Variants in NT5DC1 observed in about 807,000 individuals in gnomAD.
NT5DC1 encodes the protein 5'-nucleotidase domain-containing protein 1.
In NT5DC1, 42 loss-of-function variants were observed where a neutral mutation model predicts 59.4. That is an observed-to-expected ratio of 0.71 (90% confidence interval 0.55 to 0.92). NT5DC1 has a LOEUF of 0.92. NT5DC1 is among the 40% of genes least tolerant of loss of function. NT5DC1 has a pLI of 0.00. For synonymous variants in NT5DC1, 172 were observed against 188.1 expected, an observed-to-expected ratio of 0.91 and a Z score of 0.70; for missense variants, 501 against 537.1, an observed-to-expected ratio of 0.93 and a Z score of 0.66.
At chr6:116,181,665 C>A (rs933997382) in intron 6 of NT5DC1, among the ~76,000 whole-genome samples, 5 of 151,856 alleles carry the variant, frequency 3.3e-5, no homozygotes, top group Non-Finnish European at 7.4e-5. Flanking sequence ...TGGAAACTTA[C>A]AAAATGCAAG....
chr6:116,202,216 C>A (rs1356772089), intron 6 of NT5DC1, among the ~76,000 whole-genome samples: 4 of 152,012 alleles, frequency 2.6e-5, no homozygotes, highest in Non-Finnish European at 4.4e-5. Context: ...TACCTTAGCT[C>A]TGGGCCTTCC....
At chr6:116,186,911 C>A (rs778941048) in intron 6 of NT5DC1, among the ~76,000 whole-genome samples, 2 of 151,976 alleles carry the variant, frequency 1.3e-5, no homozygotes, top group Non-Finnish European at 2.9e-5. Flanking sequence ...TGCTGGTGAG[C>A]TAGTGTTATC....
At chr6:116,219,532 T>C (rs2114538426) in intron 6 of NT5DC1, among the ~76,000 whole-genome samples, 3 of 152,034 alleles carry the variant, frequency 2.0e-5, no homozygotes, top group Non-Finnish European at 2.9e-5. Context: ...ACAGACCCCC[T>C]CAGAGGAAGA....
intron 6 of NT5DC1, among the ~76,000 whole-genome samples, chr6:116,182,934 CAT>C (rs1239114259): frequency 6.6e-6 from 1 of 152,064 alleles, no homozygotes; most frequent in Non-Finnish European, 1.5e-5. Flanking sequence ...AGTTCTTGAT[CAT>C]GAAGTCTTTG....
intron 2 of NT5DC1, among the ~76,000 whole-genome samples, chr6:116,107,857 C>T (rs1169859946): frequency 6.6e-6 from 1 of 152,128 alleles, no homozygotes; most frequent in Non-Finnish European, 1.5e-5. Flanking sequence ...CAGGCATGAG[C>T]CACCGCGCCT....
intron 6 of NT5DC1, among the ~76,000 whole-genome samples, chr6:116,174,854 C>T (rs1780697744): frequency 6.6e-6 from 1 of 152,094 alleles, no homozygotes; most frequent in South Asian, 2.1e-4. Flanking sequence ...TAATAGTTCC[C>T]TACAAACACT....
rs1352505443 is a variant in NT5DC1 at position 116,221,116 on chromosome 6, C to T, written c.592C>T (p.Pro198Ser). The change falls in exon 7 of 12, where the codon CCT becomes TCT. Residue 198 changes from proline (P) to serine (S), a missense_variant. Pro to Ser is a moderately conservative substitution (Grantham distance 74, BLOSUM62 -1). Transcript: ENST00000319550. Reference sequence around the variant, plus strand: ...TCCAGGCAGATATTTACATAGTTGTCCTGAATCTGTGAAAAAATGGCTTCG... The same window carrying T: ...TCCAGGCAGATATTTACATAGTTGTTCTGAATCTGTGAAAAAATGGCTTCG... Reference protein sequence around the residue: ...RDPGRYLHSCPESVKKWLRQL... With the variant: ...RDPGRYLHSCSESVKKWLRQL... 1.9e-6 allele frequency: 3 copies of T among 1,575,446 alleles called. No individual in the cohort carries two copies. The highest frequency in any genetic ancestry group is 4.5e-5 in the East Asian group (2 of 44,678).
At chr6:116,143,873 TTG>T (rs1779826156) in intron 6 of NT5DC1, among the ~76,000 whole-genome samples, 1 of 152,204 alleles carries the variant, frequency 6.6e-6, no homozygotes, top group African/African-American at 2.4e-5. Context: ...TTTGGTTGTG[TTG>T]TGTTTTCTCT....
intron 6 of NT5DC1, among the ~76,000 whole-genome samples, chr6:116,198,689 A>G (rs1781285149): frequency 6.6e-6 from 1 of 151,986 alleles, no homozygotes; most frequent in African/African-American, 2.4e-5. Flanking sequence ...CGATCACACC[A>G]CTGCACTCCA....
Position 116,223,139 on chromosome 6 carries a change from A to T in NT5DC1, c.802+8A>T. 1 of 1,508,826 alleles carries T rather than the reference A, an allele frequency of 6.6e-7. No homozygotes were observed. Among genetic ancestry groups the T allele is most frequent in the Non-Finnish European group, 9.2e-7 (1 of 1,086,528 alleles). 93.5% of individuals were successfully genotyped at this position (1,508,826 alleles called of 1,614,324 possible). A position where few individuals can be genotyped will look rare whatever the true frequency, so the allele number is the denominator to read the frequency against. ...GACCTTTCCGGACACTCGGTAAGTT[A>T]CATTTGGTTTCTTTCTTTTCCTGTA... On this transcript the variant is annotated splice_region_variant and intron_variant, in intron 8 of 11. Coordinates refer to ENST00000319550, the MANE Select transcript of NT5DC1 (RefSeq NM_152729.3).
At chr6:116,155,033 G>A (rs920838968) in intron 6 of NT5DC1, among the ~76,000 whole-genome samples, 1 of 152,144 alleles carries the variant, frequency 6.6e-6, no homozygotes, top group Non-Finnish European at 1.5e-5. Context: ...TAACAGAATA[G>A]AACTTTGGTT....
chr6:116,107,775 T>G (rs540395320), intron 2 of NT5DC1, among the ~76,000 whole-genome samples: 5 of 152,032 alleles, frequency 3.3e-5, no homozygotes, highest in African/African-American at 1.2e-4. Context: ...GGTTTCACCG[T>G]GTTAGCCAGG....
intron 6 of NT5DC1, among the ~76,000 whole-genome samples, chr6:116,198,758 C>G: frequency 6.6e-6 from 1 of 151,854 alleles, no homozygotes; most frequent in East Asian, 1.9e-4. Flanking sequence ...AAAAGGACTA[C>G]AGGAGTCTCT....
At chr6:116,188,498 TAAAAAC>T (rs1781049550) in intron 6 of NT5DC1, among the ~76,000 whole-genome samples, 1 of 151,962 alleles carries the variant, frequency 6.6e-6, no homozygotes, top group South Asian at 2.1e-4. Flanking sequence ...GAATGAATCT[TAAAAAC>T]AGAAAATGAG....
chr6:116,109,562 C>T (rs554409119), intron 3 of NT5DC1, among the ~76,000 whole-genome samples: 16 of 152,332 alleles, frequency 1.1e-4, no homozygotes, highest in African/African-American at 3.6e-4. Context: ...AGGTCTGTCT[C>T]TCTCCATCCA....
At chr6:116,142,844 G>T (rs1010859462) in intron 6 of NT5DC1, among the ~76,000 whole-genome samples, 2 of 152,134 alleles carry the variant, frequency 1.3e-5, no homozygotes, top group Non-Finnish European at 2.9e-5. Flanking sequence ...TTCGTGTTCT[G>T]ATGCCTTCAT....
intron 6 of NT5DC1, among the ~76,000 whole-genome samples, chr6:116,181,654 T>C (rs1423193348): frequency 6.6e-6 from 1 of 152,026 alleles, no homozygotes; most frequent in East Asian, 1.9e-4. Context: ...ACACAATCAA[T>C]TGGAAACTTA....
intron 6 of NT5DC1, among the ~76,000 whole-genome samples, chr6:116,166,071 T>C (rs1236225697): frequency 1.3e-5 from 2 of 151,990 alleles, no homozygotes; most frequent in East Asian, 3.9e-4. Flanking sequence ...TCCCTGACAA[T>C]TTGGCAGTCA....
intron 1 of NT5DC1, among the ~76,000 whole-genome samples, chr6:116,101,716 G>T (rs1278796472): frequency 5.9e-5 from 9 of 152,134 alleles, no homozygotes; most frequent in Non-Finnish European, 1.2e-4. Flanking sequence ...CCTGAGGGAG[G>T]GGGACATGGA....
Sources: gnomAD v4.1 joint callset for allele counts (sites outside exome capture counted in the v4.1 genomes callset) on GRCh38, gnomAD v4.1.1 for gene constraint, MANE v1.5 for transcripts, NCBI Gene and HGNC (gene_info 2026-07-23, HGNC 2026-07-21) for gene names.